The following PAWR variants were observed in gnomAD, a reference collection of about 807,000 sequenced individuals.
PAWR encodes pro-apoptotic WT1 regulator.
A neutral mutation model predicts 32.0 loss-of-function variants in PAWR; 23 were observed. The observed-to-expected ratio is 0.72, with a 90% CI of 0.52 to 1.02. The LOEUF (loss-of-function observed/expected upper bound fraction) is 1.02, where lower values mean the gene tolerates loss of function less well. Among genes scored for constraint, PAWR ranks in the 50% least tolerant of loss-of-function variants. The pLI is 0.00. For synonymous variants in PAWR, 226 were observed against 187.1 expected, an observed-to-expected ratio of 1.21 and a Z score of -1.70; for missense variants, 457 against 437.7, an observed-to-expected ratio of 1.04 and a Z score of -0.39.
At chr12:79,633,583 T>C (rs984241905) in intron 2 of PAWR, among the ~76,000 whole-genome samples, 2 of 152,072 alleles carry the variant, frequency 1.3e-5, no homozygotes, top group African/African-American at 4.8e-5. Context: ...TGGCTCTCTG[T>C]CATATAAAAA....
Position 79,596,643 on chromosome 12 carries a change from A to G in PAWR, c.699T>C (p.Ser233=). ...AATATCTACTTGAGACATCTTCTTC[A>G]GAGACACTGGTTGTGCTGTGGAAAT... ...SGRYKSTTSV[S]EEDVSSRYSR... is the part of the protein sequence containing the mutation. The change falls in exon 5 of 7, where the codon TCT becomes TCC. Residue 233 remains serine, a synonymous_variant. Transcript: ENST00000328827. 1 of 1,593,962 alleles carries G rather than the reference A, an allele frequency of 6.3e-7. No homozygotes were observed. Among genetic ancestry groups the G allele is most frequent in the African/African-American group, 1.3e-5 (1 of 74,174 alleles).
intron 6 of PAWR, among the ~76,000 whole-genome samples, chr12:79,593,161 C>T (rs1405941384): frequency 1.3e-5 from 2 of 152,074 alleles, no homozygotes; most frequent in African/African-American, 4.8e-5. Context: ...ACTGTCTGAT[C>T]TTTAAAGGTG....
chr12:79,650,346 A>G (rs1463508386), intron 2 of PAWR, among the ~76,000 whole-genome samples: 1 of 152,220 alleles, frequency 6.6e-6, no homozygotes, highest in Non-Finnish European at 1.5e-5. Flanking sequence ...GTACCTTGTT[A>G]TCAACAAAAC....
At chr12:79,603,192 C>T (rs1874028753) in intron 4 of PAWR, among the ~76,000 whole-genome samples, 1 of 151,970 alleles carries the variant, frequency 6.6e-6, no homozygotes, top group Non-Finnish European at 1.5e-5. Context: ...GAGGTTGAGG[C>T]TGCAGTGAGC....
intron 4 of PAWR, among the ~76,000 whole-genome samples, chr12:79,610,503 A>C (rs1874383363): frequency 6.6e-6 from 1 of 152,194 alleles, no homozygotes; most frequent in East Asian, 1.9e-4. Flanking sequence ...CAAAGCAGTG[A>C]CAGTGAGGAT....
chr12:79,672,699 G>A (rs1395000637), intron 2 of PAWR, among the ~76,000 whole-genome samples: 1 of 147,192 alleles, frequency 6.8e-6, no homozygotes, highest in Non-Finnish European at 1.5e-5. Context: ...ACGAGAATCA[G>A]TTTTATTAAC....
intron 4 of PAWR, among the ~76,000 whole-genome samples, chr12:79,602,573 GA>G (rs1874005341): frequency 6.7e-6 from 1 of 150,174 alleles, no homozygotes; most frequent in African/African-American, 2.4e-5. Context: ...GGCAAGATGG[GA>G]AAAAAAAATA....
intron 2 of PAWR, among the ~76,000 whole-genome samples, chr12:79,645,068 A>ACACACACACACACAC (rs1555175769): frequency 6.6e-6 from 1 of 151,230 alleles, no homozygotes; most frequent in Admixed American, 6.6e-5. Flanking sequence ...ACACACACAC[A>ACACACACACACACAC]AAAATCAATG....
chr12:79,640,910 T>C (rs1319452416), intron 2 of PAWR, among the ~76,000 whole-genome samples: 1 of 152,192 alleles, frequency 6.6e-6, no homozygotes, highest in African/African-American at 2.4e-5. Context: ...TTGTGAGTTA[T>C]GTGTCTGTGT....
At chr12:79,614,602 T>C (rs1874637570) in intron 3 of PAWR, among the ~76,000 whole-genome samples, 4 of 152,194 alleles carry the variant, frequency 2.6e-5, no homozygotes. Flanking sequence ...CAAATACTTC[T>C]GCAGTTTCAC....
intron 2 of PAWR, among the ~76,000 whole-genome samples, chr12:79,625,535 A>G (rs1186074871): frequency 1.3e-5 from 2 of 152,218 alleles, no homozygotes; most frequent in African/African-American, 4.8e-5. Context: ...AAAAAGTAAC[A>G]GAGGGGCCGG....
At position 79,590,760 on chromosome 12, in the gene PAWR, CA is replaced by C. The variant is rs1873530778; in HGVS notation, c.*1846del. The C allele has an allele frequency of 6.6e-6, 1 of 152,134 alleles. No individual in the cohort carries two copies. Among genetic ancestry groups the C allele is most frequent in the Non-Finnish European group, 1.5e-5 (1 of 68,034 alleles). The allele number at this position is 152,134 out of a possible 1,614,324, so 9.4% of individuals were successfully genotyped here. A position where few individuals can be genotyped will look rare whatever the true frequency, so the allele number is the denominator to read the frequency against. ...AAGCAGTTAACTATGCCTGGCATAC[CA>C]CCCTGTCATGTGGGCAGATCACTGT... is the stretch of plus-strand genomic sequence containing the variant. On this transcript the variant is annotated 3_prime_UTR_variant, in exon 7 of 7. Coordinates refer to ENST00000328827, the MANE Select transcript of PAWR (RefSeq NM_002583.4).
intron 2 of PAWR, among the ~76,000 whole-genome samples, chr12:79,680,233 G>A (rs1026782174): frequency 3.3e-5 from 5 of 152,158 alleles, no homozygotes; most frequent in African/African-American, 4.8e-5. Context: ...ACCCAGTCAC[G>A]TAGAAATATA....
chr12:79,686,168 T>C (rs1053065542), intron 2 of PAWR, among the ~76,000 whole-genome samples: 6 of 152,198 alleles, frequency 3.9e-5, no homozygotes, highest in African/African-American at 1.4e-4. Flanking sequence ...CCTCTACCTA[T>C]TCAAAGATTA....
chr12:79,637,586 A>G (rs1876022867), intron 2 of PAWR, among the ~76,000 whole-genome samples: 1 of 151,866 alleles, frequency 6.6e-6, no homozygotes, highest in South Asian at 2.1e-4. Flanking sequence ...CAAATTATTA[A>G]GTATCTCTAT....
At position 79,616,323 on chromosome 12, in the gene PAWR, T is replaced by C. The variant is rs138232511; in HGVS notation, c.649-2714A>G. Among the ~76,000 whole-genome samples, 162 of 152,178 alleles carry C rather than the reference T, an allele frequency of 1.1e-3. 1 individual carries two copies. The highest frequency in any genetic ancestry group is 3.4e-3 in the African/African-American group (141 of 41,520). ...CTCAGAACATGCCACATCAGCTTGA[T>C]TGCCCAGATTGCCTTTTACTGAAAT... On this transcript the variant is annotated intron_variant, in intron 3 of 6. Transcript: ENST00000328827.
intron 2 of PAWR, among the ~76,000 whole-genome samples, chr12:79,655,075 A>G (rs770308593): frequency 2.0e-5 from 3 of 152,240 alleles, no homozygotes; most frequent in Non-Finnish European, 4.4e-5. Flanking sequence ...AGGAAATAAG[A>G]GAAAGTATAA....
chr12:79,604,202 G>T, intron 4 of PAWR: 2 of 971,884 alleles, frequency 2.1e-6, no homozygotes, highest in Non-Finnish European at 2.4e-6. Flanking sequence ...TTTTACTTAG[G>T]AATGTTAACA....
chr12:79,631,451 A>G (rs1270602778), intron 2 of PAWR, among the ~76,000 whole-genome samples: 1 of 152,226 alleles, frequency 6.6e-6, no homozygotes, highest in African/African-American at 2.4e-5. Context: ...AACTACCAGA[A>G]CTGACAAATG....
Sources: gnomAD v4.1 joint callset for allele counts (sites outside exome capture counted in the v4.1 genomes callset) on GRCh38, gnomAD v4.1.1 for gene constraint, MANE v1.5 for transcripts, NCBI Gene and HGNC (gene_info 2026-07-23, HGNC 2026-07-21) for gene names.